Variants in ACBD4 observed in about 807,000 individuals in gnomAD.
The protein encoded by ACBD4 is acyl-CoA-binding domain-containing protein 4.
ACBD4 carries 41 observed loss-of-function variants against 46.0 expected under a neutral mutation model. The observed-to-expected ratio is 0.89, with a 90% CI of 0.69 to 1.16. The LOEUF (loss-of-function observed/expected upper bound fraction) is 1.16, where lower values mean the gene tolerates loss of function less well. ACBD4 is among the 50% of genes most tolerant of loss of function. The pLI is 0.00. For missense variants in ACBD4, 393 were observed against 399.5 expected (o/e 0.98, Z 0.14); for synonymous variants, 162 against 155.9 (o/e 1.04, Z -0.29).
chr17:45,143,798 C>G lies in ACBD4; in HGVS notation c.*227C>G, dbSNP rs2055438906. On this transcript the variant is annotated 3_prime_UTR_variant, in exon 10 of 10. Transcript: ENST00000321854. ...AACCACCCCAGGCTCCCCTGGGAGG[C>G]TGCAGTTGTGGTACACGTCCCCGGT... 4.2e-6 allele frequency: 3 copies of G among 708,412 alleles called. No homozygotes were observed. In the East Asian group the frequency reaches 8.4e-5, roughly 20 times the overall value. The allele number at this position is 708,412 out of a possible 1,614,324, so 43.9% of individuals were successfully genotyped here. A position where few individuals can be genotyped will look rare whatever the true frequency, so the allele number is the denominator to read the frequency against.
At chr17:45,134,666 G>T (rs538425646), upstream of ACBD4, among the ~76,000 whole-genome samples, 9 of 152,008 alleles carry the variant, frequency 5.9e-5, no homozygotes, top group South Asian at 1.9e-3. Context: ...AATCCCAGTT[G>T]CTCGGGAGGC....
intron 9 of ACBD4, among the ~76,000 whole-genome samples, chr17:45,142,389 CAAAAAAAAAAA>C (rs1161132274): frequency 2.0e-3 from 57 of 28,588 alleles, no homozygotes; most frequent in Non-Finnish European, 2.6e-3. Flanking sequence ...CAAGACTCCT[CAAAAAAAAAAA>C]AAAAAAAAAA....
At position 45,137,966 on chromosome 17, in the gene ACBD4, C is replaced by G; in HGVS notation, c.627C>G (p.Ser209Arg). Residue 209 changes from serine (S) to arginine (R), a missense_variant, in exon 8 of 10, where the codon AGC (serine) becomes AGG (arginine). By Grantham distance (110) the Ser-to-Arg change is moderately radical. Transcript: ENST00000321854. ...GAGGAAAGCGTGATCCCAGGAACAGCCCCGTGCCCCCCACAAAGAAAGGTG... is the reference window on the plus strand; with the variant it reads ...GAGGAAAGCGTGATCCCAGGAACAGGCCCGTGCCCCCCACAAAGAAAGGTG... Reference protein sequence around the residue: ...ASGGKRDPRNSPVPPTKKEGL... With the variant: ...ASGGKRDPRNRPVPPTKKEGL... The G allele has an allele frequency of 6.2e-7, 1 of 1,613,736 alleles. No homozygotes were observed. The highest frequency in any genetic ancestry group is 8.5e-7 in the Non-Finnish European group (1 of 1,179,958).
chr17:45,136,772 A>G lies in ACBD4; in HGVS notation c.290A>G (p.Gln97Arg). 6.2e-7 allele frequency: 1 copy of G among 1,613,216 alleles called. No individual in the cohort carries two copies. The highest frequency in any genetic ancestry group is 8.5e-7 in the Non-Finnish European group (1 of 1,180,026). Residue 97 changes from glutamine (Q) to arginine (R), a missense_variant, in exon 4 of 10, where the codon CAG (glutamine) becomes CGG (arginine). This residue lies in a region of ACBD4 where 308 missense variants were observed against 301.8 expected (regional missense o/e 1.02). Coordinates refer to ENST00000321854, the MANE Select transcript of ACBD4 (RefSeq NM_001135705.3). ...ATCACTGAAATGAAACTGGTGGCAC[A>G]GAAGGTAAGGGCTGCAGGTTCTCTG... is the stretch of plus-strand genomic sequence containing the variant. ...AYITEMKLVA[Q>R]KVIDTVPLGE...
chr17:45,143,695 C>T lies in ACBD4; in HGVS notation c.*124C>T, dbSNP rs1246380904. On this transcript the variant is annotated 3_prime_UTR_variant, in exon 10 of 10. Coordinates refer to ENST00000321854, the MANE Select transcript of ACBD4 (RefSeq NM_001135705.3). ...GTCAGTGTTTGCCTTCGCACCTCCT[C>T]CCCTAAAGCAGCGCGGGGGGCAAAT... 2 of 1,533,086 alleles carry T rather than the reference C, an allele frequency of 1.3e-6. No homozygotes were observed. Among genetic ancestry groups the T allele is most frequent in the African/African-American group, 1.4e-5 (1 of 72,984 alleles). 95.0% of individuals were successfully genotyped at this position (1,533,086 alleles called of 1,614,324 possible).
rs2054960733 is a variant in ACBD4, at chr17:45,137,791, G to A, written c.534G>A (p.Glu178=). 2 of 1,614,014 alleles carry A rather than the reference G, an allele frequency of 1.2e-6. No homozygotes were observed. The highest frequency in any genetic ancestry group is 1.7e-6 in the Non-Finnish European group (2 of 1,180,010). Residue 178 remains glutamate (E), a synonymous_variant, in exon 7 of 10, where the codon GAG becomes GAA. Coordinates refer to ENST00000321854, the MANE Select transcript of ACBD4 (RefSeq NM_001135705.3). ...ESHSPRDLDS[E]VFCDSLEQLE... is the part of the protein sequence containing the mutation. ...ATTCACCCAGGGACCTGGACTCCGAGGTTTTCTGTGATTCCCTGGAGCAGC... is the reference window on the plus strand; with the variant it reads ...ATTCACCCAGGGACCTGGACTCCGAAGTTTTCTGTGATTCCCTGGAGCAGC...
intron 4 of ACBD4, 116 bp downstream of exon 4, chr17:45,136,892 A>C: frequency 6.3e-7 from 1 of 1,579,256 alleles, no homozygotes; most frequent in South Asian, 1.1e-5. Context: ...CACCACCTTC[A>C]TGTTACCCCC....
upstream of ACBD4, among the ~76,000 whole-genome samples, chr17:45,134,778 A>T (rs1231393659): frequency 6.6e-6 from 1 of 152,090 alleles, no homozygotes; most frequent in African/African-American, 2.4e-5. Flanking sequence ...CCGTCTCAAA[A>T]AAATAAATAA....
At chr17:45,136,922 C>T in intron 4 of ACBD4, 97 bp from the exon 5 acceptor site, 1 of 1,598,170 alleles carries the variant, frequency 6.3e-7, no homozygotes. Context: ...TATCTTTGGC[C>T]CCTGACTGGG....
At chr17:45,136,868 C>T (rs934022578) in intron 4 of ACBD4, 92 bp downstream of exon 4, 370 of 1,581,796 alleles carry the variant, frequency 2.3e-4, no homozygotes, top group South Asian at 6.7e-5. Flanking sequence ...ACACATGGAC[C>T]CCCTCATGGG....
intron 4 of ACBD4, 75 bp downstream of exon 4, chr17:45,136,851 G>T (rs1259875883): frequency 1.3e-6 from 2 of 1,595,022 alleles, no homozygotes; most frequent in Admixed American, 3.4e-5. Flanking sequence ...CCCCCACTAC[G>T]TTTCCTACAC....
chr17:45,142,543 C>A, intron 9 of ACBD4: 1 of 282,426 alleles, frequency 3.5e-6, no homozygotes, highest in Non-Finnish European at 7.1e-6. Context: ...TTCCCAGGAG[C>A]CACAGTAATT....
intron 9 of ACBD4, 102 bp from the exon 10 acceptor site, chr17:45,143,341 G>A (rs572609478): frequency 1.1e-4 from 111 of 1,039,100 alleles, no homozygotes; most frequent in Non-Finnish European, 1.4e-4. Context: ...TGCAGACTTA[G>A]GGGCAGGGTC....
intron 9 of ACBD4, 44 bp from the exon 10 acceptor site, chr17:45,143,399 C>G (rs1304475220): frequency 2.0e-6 from 3 of 1,508,290 alleles, no homozygotes; most frequent in African/African-American, 1.4e-5. Flanking sequence ...GGAGGCTGTG[C>G]TGAGGCCTGG....
At chr17:45,136,406 C>T in intron 2 of ACBD4, 94 bp from the exon 3 acceptor site, 1 of 1,481,984 alleles carries the variant, frequency 6.7e-7, no homozygotes, top group South Asian at 1.2e-5. Context: ...GGACCCATCA[C>T]CACCTCTGCC....
At chr17:45,143,373 G>A (rs373596223) in intron 9 of ACBD4, 70 bp from the exon 10 acceptor site, 1 of 1,310,336 alleles carries the variant, frequency 7.6e-7, no homozygotes, top group Non-Finnish European at 1.0e-6. Flanking sequence ...CCACTGAATT[G>A]GAAGCAGGTT....
At chr17:45,133,146 G>A (rs1342420573), upstream of ACBD4, 2 of 152,288 alleles carry the variant, frequency 1.3e-5, no homozygotes, top group African/African-American at 4.8e-5. Context: ...GGCTTGGACA[G>A]GCCGGCACCC....
chr17:45,131,729 G>C (rs1164723352), upstream of ACBD4, among the ~76,000 whole-genome samples: 1 of 152,242 alleles, frequency 6.6e-6, no homozygotes, highest in Non-Finnish European at 1.5e-5. Context: ...GAGAGCCTTG[G>C]CTGTCGGACG....
rs200581584 is a variant in ACBD4, at chr17:45,136,165, C to T, written c.21C>T (p.Ser7=). 8.1e-6 allele frequency: 13 copies of T among 1,613,486 alleles called. No individual in the cohort carries two copies. In the African/African-American group the frequency reaches 1.7e-4, roughly 22 times the overall value. The change falls in exon 2 of 10, where the codon AGC becomes AGT. Residue 7 remains serine (S), a synonymous_variant. Coordinates refer to ENST00000321854, the MANE Select transcript of ACBD4 (RefSeq NM_001135705.3). MGTEKE[S]PEPDCQKQFQ... ...GCAGCATGGGCACCGAGAAAGAAAG[C>T]CCAGAGCCCGACTGCCAGAAACAGT...
Sources: allele counts gnomAD v4.1 joint callset (sites outside exome capture counted in the v4.1 genomes callset), GRCh38; gene constraint gnomAD v4.1.1; regional missense constraint gnomAD v4.1.1; transcripts MANE v1.5; gene names NCBI Gene and HGNC (gene_info 2026-07-23, HGNC 2026-07-21).